The following SCAMP1 variants were observed in gnomAD, a reference collection of about 807,000 sequenced individuals.
SCAMP1 encodes secretory carrier-associated membrane protein 1.
SCAMP1 carries 15 observed loss-of-function variants against 41.8 expected under a neutral mutation model. That is an observed-to-expected ratio of 0.36 (90% CI 0.24 to 0.55). The LOEUF (loss-of-function observed/expected upper bound fraction) is 0.55, where lower values mean the gene tolerates loss of function less well. Among genes scored for constraint, SCAMP1 ranks in the 20% least tolerant of loss-of-function variants. The pLI, the probability that SCAMP1 is intolerant of heterozygous loss-of-function variation, is 0.86. For synonymous variants in SCAMP1, 135 were observed against 136.8 expected (o/e 0.99, Z 0.09); for missense variants, 341 against 412.6 (o/e 0.83, Z 1.50).
At chr5:78,417,419 G>A (rs1375771356) in intron 4 of SCAMP1, among the ~76,000 whole-genome samples, 1 of 152,210 alleles carries the variant, frequency 6.6e-6, no homozygotes, top group African/African-American at 2.4e-5. Flanking sequence ...GAAACTAAAA[G>A]TTGAACTGGG....
chr5:78,367,090 C>T (rs541285363), intron 1 of SCAMP1, among the ~76,000 whole-genome samples: 6 of 152,180 alleles, frequency 3.9e-5, no homozygotes, highest in African/African-American at 1.4e-4. Context: ...GTTTGTGGGC[C>T]TGTGTTATTT....
At chr5:78,412,395 A>C (rs1752102404) in intron 2 of SCAMP1, among the ~76,000 whole-genome samples, 1 of 151,590 alleles carries the variant, frequency 6.6e-6, no homozygotes, top group African/African-American at 2.4e-5. Context: ...TTTTTTTTTA[A>C]CATTCAATTT....
chr5:78,373,295 G>A (rs1311358190), intron 1 of SCAMP1, among the ~76,000 whole-genome samples: 1 of 152,066 alleles, frequency 6.6e-6, no homozygotes, highest in Non-Finnish European at 1.5e-5. Context: ...CATTAAAAAT[G>A]TTTATATTAA....
intron 2 of SCAMP1, among the ~76,000 whole-genome samples, chr5:78,399,290 G>GT (rs1751741183): frequency 6.6e-6 from 1 of 152,166 alleles, no homozygotes; most frequent in Non-Finnish European, 1.5e-5. Flanking sequence ...CTGTATGTGG[G>GT]TTTTTTGTAT....
chr5:78,459,721 A>G (rs1753536641), intron 8 of SCAMP1, among the ~76,000 whole-genome samples: 6 of 152,038 alleles, frequency 3.9e-5, no homozygotes, highest in Admixed American at 3.9e-4. Flanking sequence ...ATTATGTGAT[A>G]TGTACATTTT....
intron 7 of SCAMP1, among the ~76,000 whole-genome samples, chr5:78,454,507 C>G (rs376842772): frequency 0.44 from 64,970 of 148,316 alleles, 14,349 homozygotes; most frequent in Non-Finnish European, 0.5. Context: ...ATATATTGAA[C>G]CAGCCTTGCA....
chr5:78,473,294 G>A (rs773562371), intron 8 of SCAMP1, among the ~76,000 whole-genome samples: 1 of 152,050 alleles, frequency 6.6e-6, no homozygotes, highest in Admixed American at 6.6e-5. Flanking sequence ...GTCTTGTACC[G>A]TGATAGATTT....
intron 6 of SCAMP1, among the ~76,000 whole-genome samples, chr5:78,428,263 T>C (rs1158275268): frequency 2.0e-5 from 3 of 152,202 alleles, no homozygotes; most frequent in Non-Finnish European, 4.4e-5. Flanking sequence ...TAAATGCATC[T>C]TTTTGCTGTG....
At chr5:78,436,316 G>A (rs980797684) in intron 6 of SCAMP1, among the ~76,000 whole-genome samples, 2 of 152,232 alleles carry the variant, frequency 1.3e-5, no homozygotes, top group South Asian at 4.2e-4. Context: ...TGTCCTGAAT[G>A]GTATTGCCTA....
chr5:78,475,577 C>T lies in SCAMP1; in HGVS notation c.926C>T (p.Ser309Phe). Reference protein sequence around the residue: ...AQQEFATGVMSNKTVQTAAAN... With the variant: ...AQQEFATGVMFNKTVQTAAAN... ...CAGGAGTTTGCAACAGGTGTGATGT[C>T]CAACAAAACTGTCCAGACCGCAGCT... Residue 309 changes from serine (S) to phenylalanine (F), a missense_variant, in exon 9 of 9, where the codon TCC becomes TTC. By Grantham distance (155) the Ser-to-Phe change is radical. Transcript: ENST00000621999. 1 of 1,610,802 alleles carries T rather than the reference C, an allele frequency of 6.2e-7. No homozygotes were observed. Among genetic ancestry groups the T allele is most frequent in the Non-Finnish European group, 8.5e-7 (1 of 1,178,760 alleles).
chr5:78,475,590 C>G lies in SCAMP1; in HGVS notation c.939C>G (p.Val313=), dbSNP rs1753985520. ...CAGGTGTGATGTCCAACAAAACTGT[C>G]CAGACCGCAGCTGCAAATGCAGCTT... ...FATGVMSNKT[V]QTAAANAAST... is the part of the protein sequence containing the mutation. Residue 313 remains valine, a synonymous_variant, in exon 9 of 9, where the codon GTC becomes GTG. Coordinates refer to ENST00000621999, the MANE Select transcript of SCAMP1 (RefSeq NM_004866.6). 3 of 1,609,344 alleles carry G rather than the reference C, an allele frequency of 1.9e-6. No individual in the cohort carries two copies. Among genetic ancestry groups the G allele is most frequent in the South Asian group, 1.1e-5 (1 of 90,198 alleles).
At chr5:78,423,396 A>C (rs1752388861) in intron 6 of SCAMP1, among the ~76,000 whole-genome samples, 1 of 152,204 alleles carries the variant, frequency 6.6e-6, no homozygotes. Flanking sequence ...TCGTTATCTA[A>C]GCATGGCTCA....
chr5:78,422,937 C>T (rs1752373379), intron 6 of SCAMP1, among the ~76,000 whole-genome samples: 1 of 152,122 alleles, frequency 6.6e-6, no homozygotes, highest in South Asian at 2.1e-4. Flanking sequence ...TAGAGGCCCA[C>T]ATTTAAGTGT....
rs534903965 is a variant in SCAMP1, at chr5:78,478,392, G to A, written c.*2724G>A. The A allele has an allele frequency of 6.6e-6, 1 of 152,664 alleles. No individual in the cohort carries two copies. Among genetic ancestry groups the A allele is most frequent in the Non-Finnish European group, 1.5e-5 (1 of 67,976 alleles). 9.5% of individuals were successfully genotyped at this position (152,664 alleles called of 1,614,324 possible). On this transcript the variant is annotated 3_prime_UTR_variant, in exon 9 of 9. Transcript: ENST00000621999. ...TTGATTTTTTAAAATATGTGTATAAGTCTGTCATGTGCTAAACAAAATAAT... is the reference window on the plus strand; with the variant it reads ...TTGATTTTTTAAAATATGTGTATAAATCTGTCATGTGCTAAACAAAATAAT...
At chr5:78,426,538 A>C (rs10060186) in intron 6 of SCAMP1, among the ~76,000 whole-genome samples, 68,362 of 152,044 alleles carry the variant, frequency 0.45, 16,182 homozygotes, top group Non-Finnish European at 0.51. Context: ...TCTAATGACC[A>C]GTGATGATGA....
chr5:78,379,240 C>T (rs920524792), intron 1 of SCAMP1, among the ~76,000 whole-genome samples: 1 of 152,150 alleles, frequency 6.6e-6, no homozygotes, highest in African/African-American at 2.4e-5. Flanking sequence ...CAGGAAAGAT[C>T]ATAGCAAAGA....
At chr5:78,371,109 T>C (rs1273430434) in intron 1 of SCAMP1, among the ~76,000 whole-genome samples, 1 of 152,214 alleles carries the variant, frequency 6.6e-6, no homozygotes, top group Non-Finnish European at 1.5e-5. Context: ...TTTCCCATTT[T>C]CTGGGTTGTC....
intron 2 of SCAMP1, among the ~76,000 whole-genome samples, chr5:78,393,120 A>G (rs1751561365): frequency 6.6e-6 from 1 of 152,140 alleles, no homozygotes; most frequent in African/African-American, 2.4e-5. Flanking sequence ...TTCTGTTTGA[A>G]TGGAAACCTT....
intron 6 of SCAMP1, among the ~76,000 whole-genome samples, chr5:78,422,740 G>C (rs1752368668): frequency 1.3e-5 from 2 of 152,106 alleles, no homozygotes; most frequent in Admixed American, 6.5e-5. Context: ...TTGGACTATT[G>C]CTTTAAGAAG....
Sources: gnomAD v4.1 joint callset for allele counts (sites outside exome capture counted in the v4.1 genomes callset) on GRCh38, gnomAD v4.1.1 for gene constraint, MANE v1.5 for transcripts, NCBI Gene and HGNC (gene_info 2026-07-23, HGNC 2026-07-21) for gene names.